The following CDH1 variants were observed in gnomAD, a reference collection of about 807,000 sequenced individuals.
The protein encoded by CDH1 is cadherin-1.
In CDH1, 35 loss-of-function variants were observed where a neutral mutation model predicts 84.5. The ratio of observed to expected loss-of-function variants is 0.41; its 90% CI spans 0.32 to 0.55. The LOEUF is 0.55. Among genes scored for constraint, CDH1 ranks in the 20% least tolerant of loss-of-function variants. The pLI is 0.19. For missense variants in CDH1, 994 were observed against 1,126.6 expected (o/e 0.88, Z 1.68); for synonymous variants, 417 against 439.0 (o/e 0.95, Z 0.63).
intron 3 of CDH1, among the ~76,000 whole-genome samples, chr16:68,808,148 G>T (rs927899256): frequency 2.2e-4 from 34 of 152,142 alleles, no homozygotes; most frequent in African/African-American, 8.2e-4. Context: ...ACCAATACTT[G>T]TGTATGCATG....
In CDH1 at chr16:68,800,669, G is replaced by A. The variant is rs536879483; in HGVS notation, c.164-1001G>A. Among the ~76,000 whole-genome samples, 6 of 152,240 alleles carry A rather than the reference G, an allele frequency of 3.9e-5. No homozygotes were observed. The East Asian group carries it at 1.2e-3, about 29-fold the overall frequency. On this transcript the variant is annotated intron_variant, in intron 2 of 15. Coordinates refer to ENST00000261769, the MANE Select transcript of CDH1 (RefSeq NM_004360.5). ...GTTTCCTAGAATGAATGGTCTTATC[G>A]ACTGCTCCCCTCTGCCTGGAAGCTT...
At chr16:68,743,083 A>G (rs949225375) in intron 2 of CDH1, among the ~76,000 whole-genome samples, 4 of 152,140 alleles carry the variant, frequency 2.6e-5, no homozygotes, top group African/African-American at 9.7e-5. Context: ...CCAGGTGGTT[A>G]TGGAAATCCC....
chr16:68,754,240 C>G (rs1431385929), intron 2 of CDH1, among the ~76,000 whole-genome samples: 1 of 151,850 alleles, frequency 6.6e-6, no homozygotes, highest in East Asian at 1.9e-4. Flanking sequence ...GAGACCCTGT[C>G]TCTACAAAAG....
At chr16:68,810,473 ATTG>A in intron 6 of CDH1, 132 bp downstream of exon 6, 2 of 820,406 alleles carry the variant, frequency 2.4e-6, no homozygotes, top group Non-Finnish European at 2.1e-6. Context: ...TTGGCAAGCC[ATTG>A]TTGTGTTATA....
At chr16:68,746,269 C>G (rs1483163452) in intron 2 of CDH1, among the ~76,000 whole-genome samples, 1 of 151,918 alleles carries the variant, frequency 6.6e-6, no homozygotes, top group East Asian at 2.0e-4. Flanking sequence ...ACTAAAAATT[C>G]AAAAATTCAG....
At chr16:68,798,702 A>C (rs1186198625) in intron 2 of CDH1, among the ~76,000 whole-genome samples, 3 of 152,196 alleles carry the variant, frequency 2.0e-5, no homozygotes, top group Admixed American at 2.0e-4. Flanking sequence ...GGAGAAAGGA[A>C]TTCAGTGCAG....
chr16:68,784,551 A>T (rs1003795933), intron 2 of CDH1, among the ~76,000 whole-genome samples: 2 of 151,980 alleles, frequency 1.3e-5, no homozygotes, highest in Non-Finnish European at 2.9e-5. Context: ...TTATGTGAAC[A>T]AGTTCTTTAG....
chr16:68,821,916 C>A, intron 11 of CDH1, 85 bp from the exon 12 acceptor site: 1 of 1,084,950 alleles, frequency 9.2e-7, no homozygotes, highest in Non-Finnish European at 1.4e-6. Context: ...AGAGCCAGGA[C>A]AAGATCTAGA....
At chr16:68,775,608 G>C (rs1201623687) in intron 2 of CDH1, among the ~76,000 whole-genome samples, 1 of 152,140 alleles carries the variant, frequency 6.6e-6, no homozygotes, top group Non-Finnish European at 1.5e-5. Context: ...TTTCATGTAA[G>C]CTATATGCAT....
chr16:68,745,564 G>GTATA (rs1380951369), intron 2 of CDH1, among the ~76,000 whole-genome samples: 5 of 112,552 alleles, frequency 4.4e-5, no homozygotes, highest in Admixed American at 9.0e-5. Flanking sequence ...ATATATATAT[G>GTATA]TATATATATA....
At chr16:68,830,774 T>C (rs1961462409) in intron 15 of CDH1, among the ~76,000 whole-genome samples, 1 of 152,120 alleles carries the variant, frequency 6.6e-6, no homozygotes, top group Non-Finnish European at 1.5e-5. Flanking sequence ...AGGGCAAAAG[T>C]CTTTCTTCTA....
At chr16:68,801,999 T>A in intron 3 of CDH1, 106 bp downstream of exon 3, 1 of 923,922 alleles carries the variant, frequency 1.1e-6, no homozygotes, top group South Asian at 1.4e-5. Flanking sequence ...TGATTTTGTG[T>A]TGTAGGGGTT....
At chr16:68,757,820 C>A (rs921222261) in intron 2 of CDH1, among the ~76,000 whole-genome samples, 1 of 149,646 alleles carries the variant, frequency 6.7e-6, no homozygotes, top group Non-Finnish European at 1.5e-5. Flanking sequence ...TGAGACAGGG[C>A]CTTTTTCTGT....
rs754977201 is a variant in CDH1 at position 68,823,640 on chromosome 16, G to A, written c.2164+14G>A. 1.9e-6 allele frequency: 3 copies of A among 1,551,104 alleles called. No individual in the cohort carries two copies. The highest frequency in any genetic ancestry group is 2.7e-6 in the Non-Finnish European group (3 of 1,127,916). The stretch of plus-strand genomic sequence containing the variant: ...TTGCTTTGCTAAGTAAGTCCAGCTG[G>A]CAAGTGACTCAGCCTTTGACTTAAA... On this transcript the variant is annotated intron_variant, in intron 13 of 15. Transcript: ENST00000261769.
intron 13 of CDH1, among the ~76,000 whole-genome samples, chr16:68,824,972 A>G (rs1316868703): frequency 2.6e-5 from 4 of 152,166 alleles, no homozygotes; most frequent in Admixed American, 2.6e-4. Flanking sequence ...GTCAATTAGA[A>G]ACCTTTGACC....
chr16:68,766,304 G>A (rs1398839504), intron 2 of CDH1, among the ~76,000 whole-genome samples: 2 of 152,086 alleles, frequency 1.3e-5, no homozygotes, highest in African/African-American at 4.8e-5. Context: ...TATGGATGAA[G>A]ACACTGTGGC....
rs766660171 is a variant in CDH1 at position 68,829,594 on chromosome 16, C to A, written c.2296-60C>A. The A allele has an allele frequency of 3.0e-5, 46 of 1,509,548 alleles. No individual in the cohort carries two copies. Among genetic ancestry groups the A allele is most frequent in the Non-Finnish European group, 4.0e-5 (44 of 1,089,308 alleles). 93.5% of individuals were successfully genotyped at this position (1,509,548 alleles called of 1,614,324 possible). A position where few individuals can be genotyped will look rare whatever the true frequency, so the allele number is the denominator to read the frequency against. On this transcript the variant is annotated intron_variant, in intron 14 of 15. Transcript: ENST00000261769. The stretch of plus-strand genomic sequence containing the variant: ...CATAATCTATAAACTGAACATAGCC[C>A]TGTGTGTATGACTATTTCTTTCCTA...
At chr16:68,800,249 G>A (rs1049932940) in intron 2 of CDH1, among the ~76,000 whole-genome samples, 19 of 151,480 alleles carry the variant, frequency 1.3e-4, no homozygotes, top group African/African-American at 4.6e-4. Context: ...AGCCAACCAT[G>A]AGACTAACCC....
In CDH1 at chr16:68,828,165, C is replaced by T. The variant is rs1596970607; in HGVS notation, c.2165-9C>T. The T allele has an allele frequency of 6.2e-7, 1 of 1,613,722 alleles. No homozygotes were observed. Among genetic ancestry groups the T allele is most frequent in the Non-Finnish European group, 8.5e-7 (1 of 1,179,764 alleles). ...CTCAACACTTGCTCTGTCTCCCCCA[C>T]CATCCCAGTTCTGATTCTGCTGCTC... On this transcript the variant is annotated splice_polypyrimidine_tract_variant and intron_variant, in intron 13 of 15. Transcript: ENST00000261769.
Sources: gnomAD v4.1 joint callset for allele counts (sites outside exome capture counted in the v4.1 genomes callset) on GRCh38, gnomAD v4.1.1 for gene constraint, MANE v1.5 for transcripts, NCBI Gene and HGNC (gene_info 2026-07-23, HGNC 2026-07-21) for gene names.